The following TPST2 variants were observed in gnomAD, a reference collection of about 807,000 sequenced individuals.
The protein encoded by TPST2 is protein-tyrosine sulfotransferase 2.
Under a neutral mutation model 27.8 loss-of-function variants are expected in TPST2, and 16 were observed. The observed-to-expected ratio is 0.58, with a 90% CI of 0.39 to 0.88. TPST2 has a LOEUF of 0.88. Among genes scored for constraint, TPST2 ranks in the 40% least tolerant of loss-of-function variants. The probability of loss-of-function intolerance (pLI) is 0.00; values close to 1 mark genes in which losing one functional copy is unlikely to be tolerated. For synonymous variants in TPST2, 229 were observed against 231.7 expected (o/e 0.99, Z 0.10); for missense variants, 464 against 543.1 (o/e 0.85, Z 1.45).
rs938624552 is a variant in TPST2, at chr22:26,541,773, C to T, written c.-88-55G>A. 19 of 1,407,676 alleles carry T rather than the reference C, an allele frequency of 1.3e-5. No homozygotes were observed. Among genetic ancestry groups the T allele is most frequent in the Non-Finnish European group, 1.7e-5 (18 of 1,077,190 alleles). The allele number at this position is 1,407,676 out of a possible 1,614,324, so 87.2% of individuals were successfully genotyped here. ...GGGAGGTCTGTGAGCTGTGAGCTCTCCAATAACTGCAAAGCCCTATAACTG... is the reference window on the plus strand; with the variant it reads ...GGGAGGTCTGTGAGCTGTGAGCTCTTCAATAACTGCAAAGCCCTATAACTG... On this transcript the variant is annotated intron_variant, in intron 2 of 6. Coordinates refer to ENST00000338754, the MANE Select transcript of TPST2 (RefSeq NM_003595.5). This position sits in a 1 kb window ranked among gnomAD's most constrained non-coding sequence, Gnocchi z 5.9.
chr22:26,566,926 T>C (rs1263049724), intron 1 of TPST2, among the ~76,000 whole-genome samples: 1 of 152,222 alleles, frequency 6.6e-6, no homozygotes, highest in Non-Finnish European at 1.5e-5. Flanking sequence ...TTTGTGGTAG[T>C]ATGGGGTGGG....
At position 26,541,045 on chromosome 22, in the gene TPST2, T is replaced by G. The variant is rs775612864; in HGVS notation, c.586A>C (p.Lys196Gln). 1 of 1,613,964 alleles carries G rather than the reference T, an allele frequency of 6.2e-7. No homozygotes were observed. The highest frequency in any genetic ancestry group is 8.5e-7 in the Non-Finnish European group (1 of 1,179,998). The change falls in exon 3 of 7, where the codon AAA (lysine) becomes CAA (glutamine). Residue 196 changes from lysine to glutamine, a missense_variant. Lys to Gln is a moderately conservative substitution (Grantham distance 53, BLOSUM62 1). Transcript: ENST00000338754. The surrounding 1 kb of genome is among the most constrained non-coding windows in gnomAD (Gnocchi z 5.9). ...RASVHSMITR[K>Q]VTIAGFDLSS... ...AGGTCAAAGCCCGCAATGGTGACTT[T>G]GCGCGTGATCATGGAGTGCACGGAG...
intron 5 of TPST2, among the ~76,000 whole-genome samples, chr22:26,529,299 T>G (rs1925020606): frequency 6.6e-6 from 1 of 152,170 alleles, no homozygotes; most frequent in Non-Finnish European, 1.5e-5. Context: ...GCTAATATTT[T>G]TTGTATTTTT....
At position 26,577,649 on chromosome 22, in the gene TPST2, A is replaced by ATT. The variant is rs771843747; in HGVS notation, c.-161+12402_-161+12403dup. The stretch of plus-strand genomic sequence containing the variant: ...CAGGTGTGAGCCACTGCACCCGGCC[A>ATT]TTTTTTTTTTTTTTTTTTTTTTTGA... On this transcript the variant is annotated intron_variant, in intron 1 of 6. Coordinates refer to ENST00000338754, the MANE Select transcript of TPST2 (RefSeq NM_003595.5). Among the ~76,000 whole-genome samples the ATT allele has an allele frequency of 2.2e-3, 205 of 93,364 alleles. 2 individuals are homozygous for ATT. The highest frequency in any genetic ancestry group is 2.5e-3 in the African/African-American group (57 of 22,794). The allele number at this position is 93,364 out of a possible 152,430, so 61.3% of individuals were successfully genotyped here.
At chr22:26,572,346 G>A (rs1927662603) in intron 1 of TPST2, among the ~76,000 whole-genome samples, 1 of 152,180 alleles carries the variant, frequency 6.6e-6, no homozygotes, top group Admixed American at 6.5e-5. Flanking sequence ...CACCTGCAAA[G>A]CTGGCATGAG....
At chr22:26,582,350 C>G (rs891675435) in intron 1 of TPST2, among the ~76,000 whole-genome samples, 1 of 152,146 alleles carries the variant, frequency 6.6e-6, no homozygotes, top group Non-Finnish European at 1.5e-5. Flanking sequence ...TCGCTTGAAC[C>G]CGGGAGGCAG....
intron 1 of TPST2, among the ~76,000 whole-genome samples, chr22:26,583,833 T>A (rs1928223956): frequency 6.6e-6 from 1 of 151,708 alleles, no homozygotes; most frequent in Non-Finnish European, 1.5e-5. Flanking sequence ...AGAGCGAGAC[T>A]TCGTCTCAAA....
chr22:26,572,046 A>G (rs1304856452), intron 1 of TPST2, among the ~76,000 whole-genome samples: 2 of 152,094 alleles, frequency 1.3e-5, no homozygotes, highest in Non-Finnish European at 2.9e-5. Context: ...GAGGGGTGTC[A>G]TGATCAGACC....
Position 26,540,923 on chromosome 22 carries a change from C to T in TPST2, c.708G>A (p.Val236=), listed in dbSNP as rs183262802. 260 of 1,614,242 alleles carry T rather than the reference C, an allele frequency of 1.6e-4. 1 individual carries two copies. Among genetic ancestry groups the T allele is most frequent in the Non-Finnish European group, 6.0e-5 (71 of 1,180,046 alleles). Residue 236 remains valine (V), a synonymous_variant, in exon 3 of 7, where the codon GTG becomes GTA. Coordinates refer to ENST00000338754, the MANE Select transcript of TPST2 (RefSeq NM_003595.5). ...MEVGKEKCLP[V]YYEQLVLHPR... is the part of the protein sequence containing the mutation. ...GGTGCAGCACCAGCTGCTCGTAGTA[C>T]ACAGGCAGGCACTTCTCCTTGCCTA...
chr22:26,559,061 C>A (rs1926950333), intron 1 of TPST2, among the ~76,000 whole-genome samples: 1 of 152,222 alleles, frequency 6.6e-6, no homozygotes, highest in African/African-American at 2.4e-5. Flanking sequence ...ATATAACTCA[C>A]CTATTTAAAG....
At chr22:26,578,417 T>C (rs1252051840) in intron 1 of TPST2, among the ~76,000 whole-genome samples, 1 of 152,162 alleles carries the variant, frequency 6.6e-6, no homozygotes, top group African/African-American at 2.4e-5. Context: ...ATGGGAACTC[T>C]GGAAGTGGGG....
chr22:26,554,031 G>GGT, intron 1 of TPST2, among the ~76,000 whole-genome samples: 1 of 152,280 alleles, frequency 6.6e-6, no homozygotes, highest in East Asian at 1.9e-4. Context: ...CTCATGACAG[G>GGT]CTTGGAGGGT....
intron 3 of TPST2, among the ~76,000 whole-genome samples, chr22:26,539,632 G>A (rs1925679673): frequency 6.6e-6 from 1 of 151,994 alleles, no homozygotes; most frequent in Non-Finnish European, 1.5e-5. Flanking sequence ...AGCTGGGTGT[G>A]GAGATGCTCG....
chr22:26,572,460 T>C (rs918586172), intron 1 of TPST2, among the ~76,000 whole-genome samples: 7 of 152,206 alleles, frequency 4.6e-5, no homozygotes, highest in Non-Finnish European at 8.8e-5. Flanking sequence ...TCTTACATAA[T>C]CCAATAAATT....
intron 5 of TPST2, among the ~76,000 whole-genome samples, chr22:26,528,905 C>G (rs1176580623): frequency 6.6e-6 from 1 of 151,966 alleles, no homozygotes; most frequent in African/African-American, 2.4e-5. Context: ...TCGCTTGAAC[C>G]CGGGAGGCAG....
At chr22:26,584,197 C>T (rs1409744221) in intron 1 of TPST2, among the ~76,000 whole-genome samples, 1 of 152,228 alleles carries the variant, frequency 6.6e-6, no homozygotes, top group Non-Finnish European at 1.5e-5. Flanking sequence ...AGAGGGGAAG[C>T]TCCTTGCCCA....
At chr22:26,552,294 C>T (rs555319246) in intron 1 of TPST2, among the ~76,000 whole-genome samples, 93 of 152,280 alleles carry the variant, frequency 6.1e-4, no homozygotes, top group Non-Finnish European at 1.3e-4. Context: ...CTTCTTCTCC[C>T]TGTTCGTTGT....
rs2147177866 is a variant in TPST2, at chr22:26,533,532, C to T, written c.1042-787G>A. 1.3e-5 allele frequency among the ~76,000 whole-genome samples: 2 copies of T among 152,312 alleles called. 1 individual carries two copies. The highest frequency in any genetic ancestry group is 6.8e-3 in the Middle Eastern group (2 of 292). Reference sequence around the variant, plus strand: ...GGCTAAGCTCAGAAGAAAAAGCACTCCAGGCAGAGGCAACAGAGCAAAGGC... The same window carrying T: ...GGCTAAGCTCAGAAGAAAAAGCACTTCAGGCAGAGGCAACAGAGCAAAGGC... On this transcript the variant is annotated intron_variant, in intron 4 of 6. Coordinates refer to ENST00000338754, the MANE Select transcript of TPST2 (RefSeq NM_003595.5).
chr22:26,581,728 C>G lies in TPST2; in HGVS notation c.-161+8325G>C, dbSNP rs183296573. 3.3e-5 allele frequency among the ~76,000 whole-genome samples: 5 copies of G among 152,322 alleles called. No individual in the cohort carries two copies. The East Asian group carries it at 7.7e-4, about 23-fold the overall frequency. ...CTAAGTACCCAGAAAGCACCCAAGT[C>G]TTAACTGCAATCATTACTATTTTTA... On this transcript the variant is annotated intron_variant, in intron 1 of 6. Coordinates refer to ENST00000338754, the MANE Select transcript of TPST2 (RefSeq NM_003595.5).
Sources: gnomAD v4.1 joint callset for allele counts (sites outside exome capture counted in the v4.1 genomes callset) on GRCh38, gnomAD v4.1.1 for gene constraint, Gnocchi (gnomAD v3.1) non-coding constraint, MANE v1.5 for transcripts, NCBI Gene and HGNC (gene_info 2026-07-23, HGNC 2026-07-21) for gene names.